NADK: variants seen among roughly 807,000 people sequenced by gnomAD.
NADK encodes the protein NAD kinase.
In NADK, 22 loss-of-function variants were observed where a neutral mutation model predicts 49.8. That is an observed-to-expected ratio of 0.44 (90% CI 0.32 to 0.63). The LOEUF is 0.63. Ranked by LOEUF, NADK falls within the 30% of genes least tolerant of loss-of-function variation. The pLI, the probability that NADK is intolerant of heterozygous loss-of-function variation, is 0.06. For synonymous variants in NADK, 268 were observed against 253.7 expected (o/e 1.06, Z -0.54); for missense variants, 438 against 609.4 (o/e 0.72, Z 2.96).
At chr1:1,767,739 C>T (rs1645928800) in intron 1 of NADK, among the ~76,000 whole-genome samples, 1 of 152,138 alleles carries the variant, frequency 6.6e-6, no homozygotes, top group African/African-American at 2.4e-5. Flanking sequence ...GTCTCAAACT[C>T]CTGGGCTCAG....
rs570839400 is a variant in NADK at position 1,759,336 on chromosome 1, C to T, written c.264-2026G>A. 1.0e-4 allele frequency: 148 copies of T among 1,429,690 alleles called. 3 individuals are homozygous for T. In the African/African-American group the frequency reaches 1.6e-3, roughly 16 times the overall value. The allele number at this position is 1,429,690 out of a possible 1,614,324, so 88.6% of individuals were successfully genotyped here. A position where few individuals can be genotyped will look rare whatever the true frequency, so the allele number is the denominator to read the frequency against. On this transcript the variant is annotated intron_variant, in intron 3 of 11. Transcript: ENST00000341426. ...GTGGCGTGAAGCTTGCAGGCACACA[C>T]GGCTGTGGGTACTGCACGGAGAGGG...
chr1:1,763,953 G>A (rs968390097), intron 2 of NADK, among the ~76,000 whole-genome samples: 3 of 152,184 alleles, frequency 2.0e-5, no homozygotes, highest in Non-Finnish European at 2.9e-5. Context: ...CAGTCACTGC[G>A]CTGGGGTGGC....
Position 1,754,875 on chromosome 1 carries a change from G to C in NADK, c.689-177C>G. 3 of 613,970 alleles carry C rather than the reference G, an allele frequency of 4.9e-6. No homozygotes were observed. The highest frequency in any genetic ancestry group is 8.2e-6 in the Non-Finnish European group (3 of 364,414). 38.0% of individuals were successfully genotyped at this position (613,970 alleles called of 1,614,324 possible). A position where few individuals can be genotyped will look rare whatever the true frequency, so the allele number is the denominator to read the frequency against. On this transcript the variant is annotated intron_variant, in intron 7 of 11. Coordinates refer to ENST00000341426, the MANE Select transcript of NADK (RefSeq NM_023018.5). This position sits in a 1 kb window ranked among gnomAD's most constrained non-coding sequence, Gnocchi z 4.3. ...CTCACTCTGTCACCCAGGCTGGAATGCAGTGGTGTGATCTTGGCTCACTGC... is the reference window on the plus strand; with the variant it reads ...CTCACTCTGTCACCCAGGCTGGAATCCAGTGGTGTGATCTTGGCTCACTGC...
chr1:1,775,010 G>A (rs1021384160), intron 1 of NADK, among the ~76,000 whole-genome samples: 6 of 152,062 alleles, frequency 3.9e-5, no homozygotes, highest in East Asian at 1.9e-4. Flanking sequence ...TCAGGAGGCC[G>A]AGGCAGGAGA....
chr1:1,754,394 G>C lies in NADK; in HGVS notation c.844-11C>G. Reference sequence around the variant, plus strand: ...CACCTCATTCAGGACCTGGAGGGGCGACAGCATTGCACACTCAGGGCGGGG... The same window carrying C: ...CACCTCATTCAGGACCTGGAGGGGCCACAGCATTGCACACTCAGGGCGGGG... On this transcript the variant is annotated splice_polypyrimidine_tract_variant and intron_variant, in intron 8 of 11. Transcript: ENST00000341426. The surrounding 1 kb of genome is among the most constrained non-coding windows in gnomAD (Gnocchi z 4.3). 2 of 1,612,876 alleles carry C rather than the reference G, an allele frequency of 1.2e-6. No individual in the cohort carries two copies. The highest frequency in any genetic ancestry group is 1.7e-6 in the Non-Finnish European group (2 of 1,179,084).
intron 2 of NADK, among the ~76,000 whole-genome samples, chr1:1,762,854 C>T (rs1645770014): frequency 6.6e-6 from 1 of 152,266 alleles, no homozygotes; most frequent in Non-Finnish European, 1.5e-5. Context: ...GGCCAGGTCA[C>T]AGTTAAATCA....
chr1:1,772,106 G>A (rs144596499), intron 1 of NADK, among the ~76,000 whole-genome samples: 2 of 151,790 alleles, frequency 1.3e-5, no homozygotes, highest in Admixed American at 6.6e-5. Context: ...ACCTCACCCA[G>A]CTGGAAAAAG....
intron 3 of NADK, among the ~76,000 whole-genome samples, chr1:1,760,347 C>G (rs1570535107): frequency 6.6e-6 from 1 of 152,214 alleles, no homozygotes; most frequent in Admixed American, 6.5e-5. Context: ...TCTGGAGCAG[C>G]AAGGCCAACC....
chr1:1,753,769 C>T (rs1216960702), intron 10 of NADK, 120 bp from the exon 11 acceptor site: 9 of 949,534 alleles, frequency 9.5e-6, no homozygotes, highest in Middle Eastern at 2.9e-4. Flanking sequence ...GCCTTGCGGA[C>T]GGTGCAGTGC....
chr1:1,759,990 C>A, intron 3 of NADK: 1 of 1,401,380 alleles, frequency 7.1e-7, no homozygotes, highest in Non-Finnish European at 9.8e-7. Context: ...CACAGGATGG[C>A]GGGACAGAGC....
At position 1,765,371 on chromosome 1, in the gene NADK, C is replaced by T. The variant is rs942995795; in HGVS notation, c.36G>A (p.Lys12=). 1.9e-6 allele frequency: 3 copies of T among 1,608,090 alleles called. No homozygotes were observed. Among genetic ancestry groups the T allele is most frequent in the Non-Finnish European group, 2.5e-6 (3 of 1,176,600 alleles). The change falls in exon 2 of 12, where the codon AAG becomes AAA. Residue 12 remains lysine (K), a synonymous_variant. Coordinates refer to ENST00000341426, the MANE Select transcript of NADK (RefSeq NM_023018.5). ...AAGCAGCCGCGTCTGGACTCAATTC[C>T]TTATTCATGGTCATTTTTTCTTGTT... ...EMEQEKMTMN[K]ELSPDAAAYC...
In NADK at chr1:1,756,239, G is replaced by A. The variant is rs780620169; in HGVS notation, c.585+19C>T. 27 of 1,610,954 alleles carry A rather than the reference G, an allele frequency of 1.7e-5. No homozygotes were observed. The highest frequency in any genetic ancestry group is 2.5e-6 in the Non-Finnish European group (3 of 1,177,320). ...CTAGACTAGAACCTGGTGTGGGTCT[G>A]GAAATGTCAGCGCTTCACCTGGAAA... On this transcript the variant is annotated intron_variant, in intron 6 of 11. Transcript: ENST00000341426.
chr1:1,764,547 C>A (rs1334485618), intron 2 of NADK, among the ~76,000 whole-genome samples: 1 of 152,174 alleles, frequency 6.6e-6, no homozygotes, highest in Non-Finnish European at 1.5e-5. Flanking sequence ...CCAGCCTTCG[C>A]CTCTCAAAAC....
At chr1:1,761,194 T>C (rs1449836219) in intron 3 of NADK, among the ~76,000 whole-genome samples, 1 of 152,212 alleles carries the variant, frequency 6.6e-6, no homozygotes, top group Admixed American at 6.5e-5. Flanking sequence ...GGTTTCACCA[T>C]ATTGGCCAGG....
chr1:1,760,935 T>C (rs770591974), intron 3 of NADK, among the ~76,000 whole-genome samples: 1 of 151,834 alleles, frequency 6.6e-6, no homozygotes, highest in African/African-American at 2.4e-5. Flanking sequence ...GTTCAGGTGA[T>C]CCTCCCGCCC....
rs147137787 is a variant in NADK, at chr1:1,757,008, G to A, written c.393+173C>T. The A allele has an allele frequency of 9.0e-4, 970 of 1,072,350 alleles. 7 individuals are homozygous for A. The African/African-American group carries it at 0.011, about 12-fold the overall frequency. 66.4% of individuals were successfully genotyped at this position (1,072,350 alleles called of 1,614,324 possible). On this transcript the variant is annotated intron_variant, in intron 4 of 11. Transcript: ENST00000341426. ...CACCCAGTCTGGTGCTTGCCATGGC[G>A]GCACACACAAACCCAGACACCCGGC...
chr1:1,754,462 G>A lies in NADK; in HGVS notation c.844-79C>T. 1 of 1,605,772 alleles carries A rather than the reference G, an allele frequency of 6.2e-7. No individual in the cohort carries two copies. Among genetic ancestry groups the A allele is most frequent in the African/African-American group, 1.3e-5 (1 of 74,862 alleles). ...AGACACCCTCCGTCTCACCCAGCCG[G>A]GCTCTCCGGAAGGTCCTCATCCCTG... On this transcript the variant is annotated intron_variant, in intron 8 of 11. Coordinates refer to ENST00000341426, the MANE Select transcript of NADK (RefSeq NM_023018.5). The surrounding 1 kb of genome is among the most constrained non-coding windows in gnomAD (Gnocchi z 4.3).
intron 1 of NADK, among the ~76,000 whole-genome samples, chr1:1,773,080 G>C (rs1646098900): frequency 6.6e-6 from 1 of 150,844 alleles, no homozygotes; most frequent in Non-Finnish European, 1.5e-5. Flanking sequence ...AGAGGGAGCT[G>C]GTGAAGGGCA....
At position 1,754,637 on chromosome 1, in the gene NADK, C is replaced by G; in HGVS notation, c.750G>C (p.Gly250=). 1 of 1,613,812 alleles carries G rather than the reference C, an allele frequency of 6.2e-7. No individual in the cohort carries two copies. The highest frequency in any genetic ancestry group is 1.7e-5 in the Admixed American group (1 of 60,008). Residue 250 remains glycine (G), a synonymous_variant, in exon 8 of 12, where the codon GGG becomes GGC. Transcript: ENST00000341426. This position sits in a 1 kb window ranked among gnomAD's most constrained non-coding sequence, Gnocchi z 4.3. The part of the protein sequence containing the change: ...LKVRVVKELR[G]KKTAVHNGLG... ...GCCCATTGTGCACGGCCGTCTTCTT[C>G]CCCCGGAGCTCCTTCACCACCCTGA...
Sources: allele counts gnomAD v4.1 joint callset (sites outside exome capture counted in the v4.1 genomes callset), GRCh38; gene constraint gnomAD v4.1.1; non-coding constraint Gnocchi (gnomAD v3.1); transcripts MANE v1.5; gene names NCBI Gene and HGNC (gene_info 2026-07-23, HGNC 2026-07-21).